The following PCED1A variants were observed in gnomAD, a reference collection of about 807,000 sequenced individuals.
The protein encoded by PCED1A is PC-esterase domain-containing protein 1A.
PCED1A carries 20 observed loss-of-function variants against 41.9 expected under a neutral mutation model. That is an observed-to-expected ratio of 0.48 (90% CI 0.34 to 0.69). PCED1A has a LOEUF of 0.69. PCED1A is among the 30% of genes least tolerant of loss of function. PCED1A has a pLI of 0.01. For missense variants in PCED1A, 498 were observed against 602.1 expected (o/e 0.83, Z 1.81); for synonymous variants, 236 against 241.3 (o/e 0.98, Z 0.20).
At position 2,839,112 on chromosome 20, in the gene PCED1A, A is replaced by G. The variant is rs200352855; in HGVS notation, c.205-30T>C. 122 of 888,002 alleles carry G rather than the reference A, an allele frequency of 1.4e-4. 1 individual carries two copies. In the African/African-American group the frequency reaches 2.4e-3, roughly 17 times the overall value. The allele number at this position is 888,002 out of a possible 1,614,324, so 55.0% of individuals were successfully genotyped here. A position where few individuals can be genotyped will look rare whatever the true frequency, so the allele number is the denominator to read the frequency against. On this transcript the variant is annotated intron_variant, in intron 3 of 7. Transcript: ENST00000360652. ...CCACCCCCCCCACCCTACTGGTCAG[A>G]CCCATGCCAGGGAGGAGAACCCTGC... is the stretch of plus-strand genomic sequence containing the variant.
chr20:2,836,667 C>G (rs1282632115), intron 6 of PCED1A, among the ~76,000 whole-genome samples: 1 of 152,186 alleles, frequency 6.6e-6, no homozygotes, highest in East Asian at 1.9e-4. Context: ...CAACAACTTC[C>G]TTTTACCATC....
Position 2,838,685 on chromosome 20 carries a change from C to T in PCED1A, c.505G>A (p.Asp169Asn). Reference protein sequence around the residue: ...ENLERVFVRMDQVLPDSCLLV... With the variant: ...ENLERVFVRMNQVLPDSCLLV... ...AGGCAGGAGTCTGGCAATACTTGGT[C>T]CATGCGCACAAACACCCGCTCCAGG... Residue 169 changes from aspartate to asparagine, a missense_variant, in exon 5 of 8, where the codon GAC becomes AAC. Asp to Asn is a conservative substitution (Grantham distance 23). Around this residue, in one of 2 missense-constraint regions of PCED1A, gnomAD observed 253 missense variants for 369.7 expected, o/e 0.68. Transcript: ENST00000360652. The surrounding 1 kb of genome is among the most constrained non-coding windows in gnomAD (Gnocchi z 5.8). The T allele has an allele frequency of 6.2e-7, 1 of 1,614,204 alleles. No homozygotes were observed. The highest frequency in any genetic ancestry group is 1.1e-5 in the South Asian group (1 of 91,084).
upstream of PCED1A, chr20:2,841,039 T>G: frequency 1.7e-6 from 1 of 578,006 alleles, no homozygotes; most frequent in Non-Finnish European, 3.1e-6. Flanking sequence ...GCAAGCACAG[T>G]GGTCACCCCG....
At chr20:2,840,724 G>T (rs1455305922), upstream of PCED1A, 2 of 1,541,936 alleles carry the variant, frequency 1.3e-6, no homozygotes, top group Non-Finnish European at 1.8e-6. Flanking sequence ...CCTGGAGCCC[G>T]CTCTAGGTGG....
In PCED1A at chr20:2,835,316, T is replaced by C; in HGVS notation, c.*146A>G. On this transcript the variant is annotated 3_prime_UTR_variant, in exon 8 of 8. Transcript: ENST00000360652. Reference sequence around the variant, plus strand: ...GGGATACCCACTGCACACAGGAATTTGTCACTCTGTTCTTCCATGCCTTTA... The same window carrying C: ...GGGATACCCACTGCACACAGGAATTCGTCACTCTGTTCTTCCATGCCTTTA... The C allele has an allele frequency of 8.8e-7, 1 of 1,135,430 alleles. No individual in the cohort carries two copies. 70.3% of individuals were successfully genotyped at this position (1,135,430 alleles called of 1,614,324 possible). A position where few individuals can be genotyped will look rare whatever the true frequency, so the allele number is the denominator to read the frequency against.
rs1417567552 is a variant in PCED1A, at chr20:2,839,858, C to T, written c.55G>A (p.Val19Ile). Residue 19 changes from valine to isoleucine, a missense_variant, in exon 2 of 8, where the codon GTC (valine) becomes ATC (isoleucine). Physicochemically the swap from Val to Ile is conservative, Grantham distance 29. This residue lies in a region of PCED1A where 253 missense variants were observed against 369.7 expected (regional missense o/e 0.68). Coordinates refer to ENST00000360652, the MANE Select transcript of PCED1A (RefSeq NM_022760.6). ...TGGACTTCCGAGGCCTGGAAGTGGA[C>T]CATGTCGCTTCGCAGCGGGCGGCGC... ...EPRRPLRSDMVHFQASEVQQL... is the reference protein window; with the variant it reads ...EPRRPLRSDMIHFQASEVQQL... 5.6e-6 allele frequency: 9 copies of T among 1,614,166 alleles called. No homozygotes were observed. Among genetic ancestry groups the T allele is most frequent in the Non-Finnish European group, 7.6e-6 (9 of 1,180,028 alleles).
upstream of PCED1A, chr20:2,841,099 A>T (rs540514351): frequency 3.9e-6 from 2 of 514,616 alleles, no homozygotes; most frequent in African/African-American, 4.0e-5. Flanking sequence ...TCGCTGAGGG[A>T]GGCAGCTCGC....
In PCED1A at chr20:2,835,377, T is replaced by A. The variant is rs568986604; in HGVS notation, c.*85A>T. The A allele has an allele frequency of 4.3e-5, 64 of 1,477,976 alleles. 1 individual carries two copies. In the South Asian group the frequency reaches 8.6e-4, roughly 20 times the overall value. The allele number at this position is 1,477,976 out of a possible 1,614,324, so 91.6% of individuals were successfully genotyped here. A position where few individuals can be genotyped will look rare whatever the true frequency, so the allele number is the denominator to read the frequency against. On this transcript the variant is annotated 3_prime_UTR_variant, in exon 8 of 8. Coordinates refer to ENST00000360652, the MANE Select transcript of PCED1A (RefSeq NM_022760.6). The stretch of plus-strand genomic sequence containing the variant: ...CAATGGACAAGAACAATACCAGGCA[T>A]AGCAGACACCCTAGCCCAGTACCTG...
chr20:2,839,537 GC>G (rs2088908224), intron 2 of PCED1A, among the ~76,000 whole-genome samples: 1 of 152,208 alleles, frequency 6.6e-6, no homozygotes, highest in African/African-American at 2.4e-5. Context: ...ACAATGCAAC[GC>G]TTTCGTGATG....
rs1448782402 is a variant in PCED1A, at chr20:2,839,115, C to T, written c.205-33G>A. ...CCCCCCCCACCCTACTGGTCAGACC[C>T]ATGCCAGGGAGGAGAACCCTGCCAG... On this transcript the variant is annotated intron_variant, in intron 3 of 7. Transcript: ENST00000360652. The T allele has an allele frequency of 2.1e-6, 3 of 1,456,582 alleles. No individual in the cohort carries two copies. The Admixed American group carries it at 5.4e-5, about 26-fold the overall frequency. The allele number at this position is 1,456,582 out of a possible 1,614,324, so 90.2% of individuals were successfully genotyped here.
upstream of PCED1A, chr20:2,840,949 C>T: frequency 1.0e-6 from 1 of 981,726 alleles, no homozygotes; most frequent in Non-Finnish European, 1.5e-6. Context: ...GCCGGCTCTC[C>T]CCGAGCGTCT....
upstream of PCED1A, chr20:2,840,835 G>GCCCCCCC: frequency 2.0e-6 from 3 of 1,524,300 alleles, no homozygotes; most frequent in South Asian, 1.2e-5. Context: ...CCGGTGAGCT[G>GCCCCCCC]CCCCGCCCTC....
rs758841760 is a variant in PCED1A at position 2,835,564 on chromosome 20, C to T, written c.1263G>A (p.Met421Ile). 8 of 1,614,098 alleles carry T rather than the reference C, an allele frequency of 5.0e-6. No individual in the cohort carries two copies. The highest frequency in any genetic ancestry group is 2.2e-5 in the South Asian group (2 of 91,094). ...VPNSPYHVRRMGGPCRQRLRH... is the reference protein window; with the variant it reads ...VPNSPYHVRRIGGPCRQRLRH... ...TGAGCCGCTGCCTGCAGGGCCCCCC[C>T]ATTCTCCGCACATGGTAGGGGCTGT... Residue 421 changes from methionine (M) to isoleucine (I), a missense_variant, in exon 8 of 8, where the codon ATG becomes ATA. Met to Ile is a conservative substitution (Grantham distance 10). Coordinates refer to ENST00000360652, the MANE Select transcript of PCED1A (RefSeq NM_022760.6).
At chr20:2,839,996 TA>T in intron 1 of PCED1A, 63 bp from the exon 2 acceptor site, 1 of 1,498,946 alleles carries the variant, frequency 6.7e-7, no homozygotes. Flanking sequence ...GCCTCAGGGC[TA>T]GCCCCTCCGG....
At position 2,835,398 on chromosome 20, in the gene PCED1A, ACCTGAGGTGCCAGGCAGGC is replaced by A; in HGVS notation, c.*45_*63del. The stretch of plus-strand genomic sequence containing the variant: ...GGCATAGCAGACACCCTAGCCCAGT[ACCTGAGGTGCCAGGCAGGC>A]CCTGAAGGGCCATTGGCACATCCAG... On this transcript the variant is annotated 3_prime_UTR_variant, in exon 8 of 8. Coordinates refer to ENST00000360652, the MANE Select transcript of PCED1A (RefSeq NM_022760.6). 6.5e-7 allele frequency: 1 copy of A among 1,544,666 alleles called. No homozygotes were observed. The highest frequency in any genetic ancestry group is 8.8e-7 in the Non-Finnish European group (1 of 1,140,426).
Position 2,838,663 on chromosome 20 carries a change from C to CAGGA in PCED1A, c.523_526dup (p.Cys176PhefsTer38). 2 of 1,614,202 alleles carry CAGGA rather than the reference C, an allele frequency of 1.2e-6. No individual in the cohort carries two copies. Among genetic ancestry groups the CAGGA allele is most frequent in the Non-Finnish European group, 1.7e-6 (2 of 1,180,046 alleles). On this transcript the variant is annotated frameshift_variant, in exon 5 of 8. Coordinates refer to ENST00000360652, the MANE Select transcript of PCED1A (RefSeq NM_022760.6). LOFTEE classifies it high-confidence loss of function. This position sits in a 1 kb window ranked among gnomAD's most constrained non-coding sequence, Gnocchi z 5.8. ...CATCGCCATGTTCCACACCAGCAGG[C>CAGGA]AGGAGTCTGGCAATACTTGGTCCAT...
At position 2,838,987 on chromosome 20, in the gene PCED1A, G is replaced by A; in HGVS notation, c.300C>T (p.Cys100=). The change falls in exon 4 of 8, where the codon TGC becomes TGT. Residue 100 remains cysteine, a synonymous_variant. Coordinates refer to ENST00000360652, the MANE Select transcript of PCED1A (RefSeq NM_022760.6). This position sits in a 1 kb window ranked among gnomAD's most constrained non-coding sequence, Gnocchi z 5.8. The part of the protein sequence containing the change: ...GTQYREVRQF[C]SGSGHHLVRF... ...GCACAAGGTGGTGGCCAGAGCCCGA[G>A]CAGAACTGGCGGACCTCACGATACT... 5 of 1,613,952 alleles carry A rather than the reference G, an allele frequency of 3.1e-6. No homozygotes were observed. The highest frequency in any genetic ancestry group is 4.2e-6 in the Non-Finnish European group (5 of 1,180,024).
rs201605909 is a variant in PCED1A, at chr20:2,836,046, G to A, written c.1110C>T (p.Pro370=). 7 of 1,483,986 alleles carry A rather than the reference G, an allele frequency of 4.7e-6. No homozygotes were observed. The East Asian group carries it at 1.5e-4, about 31-fold the overall frequency. The allele number at this position is 1,483,986 out of a possible 1,614,324, so 91.9% of individuals were successfully genotyped here. The part of the protein sequence containing the change: ...YNPVEDFSMP[P]HLGCGPGVNF... ...AGCTGCAGAAGCACCTACCTAAGTGGGGTGGCATCGAGAAGTCCTCCACTG... is the reference window on the plus strand; with the variant it reads ...AGCTGCAGAAGCACCTACCTAAGTGAGGTGGCATCGAGAAGTCCTCCACTG... Residue 370 remains proline, a synonymous_variant, in exon 7 of 8, where the codon CCC becomes CCT. Transcript: ENST00000360652.
chr20:2,838,622 T>A lies in PCED1A; in HGVS notation c.568A>T (p.Ile190Phe). 1 of 1,614,180 alleles carries A rather than the reference T, an allele frequency of 6.2e-7. No homozygotes were observed. Among genetic ancestry groups the A allele is most frequent in the Non-Finnish European group, 8.5e-7 (1 of 1,180,014 alleles). Residue 190 changes from isoleucine (I) to phenylalanine (F), a missense_variant, in exon 5 of 8, where the codon ATC becomes TTC. This residue lies in a region of PCED1A where 253 missense variants were observed against 369.7 expected (regional missense o/e 0.68). Coordinates refer to ENST00000360652, the MANE Select transcript of PCED1A (RefSeq NM_022760.6). This position sits in a 1 kb window ranked among gnomAD's most constrained non-coding sequence, Gnocchi z 5.8. ...WNMAMPLGER[I>F]TGGFLLPELQ... Reference sequence around the variant, plus strand: ...TCTGGCAGGAGGAAACCCCCAGTGATACGTTCCCCGAGGGGCATCGCCATG... The same window carrying A: ...TCTGGCAGGAGGAAACCCCCAGTGAAACGTTCCCCGAGGGGCATCGCCATG...
Sources: gnomAD v4.1 joint callset for allele counts (sites outside exome capture counted in the v4.1 genomes callset) on GRCh38, gnomAD v4.1.1 for gene constraint, gnomAD v4.1.1 regional missense constraint, Gnocchi (gnomAD v3.1) non-coding constraint, MANE v1.5 for transcripts, NCBI Gene and HGNC (gene_info 2026-07-23, HGNC 2026-07-21) for gene names.